The following SLC26A8 variants were observed in gnomAD, a reference collection of about 807,000 sequenced individuals.
SLC26A8 encodes the protein testis anion transporter 1.
A neutral mutation model predicts 105.0 loss-of-function variants in SLC26A8; 70 were observed. The observed-to-expected ratio is 0.67, with a 90% CI of 0.55 to 0.81. The LOEUF (loss-of-function observed/expected upper bound fraction) is 0.81. Ranked by LOEUF, SLC26A8 falls within the 40% of genes least tolerant of loss-of-function variation. The pLI is 0.00. For synonymous variants in SLC26A8, 415 were observed against 438.3 expected, an observed-to-expected ratio of 0.95 and a Z score of 0.66; for missense variants, 998 against 1,181.8, an observed-to-expected ratio of 0.84 and a Z score of 2.28.
Position 35,974,630 on chromosome 6 carries a change from C to T in SLC26A8, c.1287+745G>A, listed in dbSNP as rs949535282. ...GCCAGGAAAATTTTTGCTTTGCTGCCAAGGTGTGTAGAGTTGTATTATTGC... is the reference window on the plus strand; with the variant it reads ...GCCAGGAAAATTTTTGCTTTGCTGCTAAGGTGTGTAGAGTTGTATTATTGC... On this transcript the variant is annotated intron_variant, in intron 10 of 19. Transcript: ENST00000490799. Among the ~76,000 whole-genome samples, 8 of 152,176 alleles carry T rather than the reference C, an allele frequency of 5.3e-5. No homozygotes were observed. The East Asian group carries it at 1.5e-3, about 29-fold the overall frequency.
Position 35,968,695 on chromosome 6 carries a change from T to C in SLC26A8, c.1365+182A>G, listed in dbSNP as rs559497146. ...CCTCAACCCTGTGATCCAGATACTA[T>C]TATCTTGAATGAAAGGGACTAGAGA... On this transcript the variant is annotated intron_variant, in intron 11 of 19. Transcript: ENST00000490799. 6.4e-3 allele frequency among the ~76,000 whole-genome samples: 885 copies of C among 138,992 alleles called. 8 individuals carry two copies. Among genetic ancestry groups the C allele is most frequent in the Non-Finnish European group, 0.01 (678 of 64,646 alleles). 91.2% of individuals were successfully genotyped at this position (138,992 alleles called of 152,430 possible). A position where few individuals can be genotyped will look rare whatever the true frequency, so the allele number is the denominator to read the frequency against.
chr6:35,974,906 GT>G (rs77148160), intron 10 of SLC26A8, among the ~76,000 whole-genome samples: 11,334 of 141,072 alleles, frequency 0.08, 470 homozygotes, highest in Middle Eastern at 0.12. Context: ...CCAGCTAATT[GT>G]TTTTTTTTTT....
At chr6:36,022,070 C>T (rs1398352464) in intron 1 of SLC26A8, among the ~76,000 whole-genome samples, 4 of 152,116 alleles carry the variant, frequency 2.6e-5, no homozygotes, top group South Asian at 2.1e-4. Context: ...CAGGTTCAAG[C>T]GATTCTCCTG....
intron 10 of SLC26A8, among the ~76,000 whole-genome samples, chr6:35,974,429 T>G (rs1467064876): frequency 6.6e-6 from 1 of 152,250 alleles, no homozygotes; most frequent in Non-Finnish European, 1.5e-5. Context: ...ATTCTCTCTA[T>G]GTATGCTTAA....
Position 35,986,410 on chromosome 6 carries a change from C to T in SLC26A8, c.943-4207G>A, listed in dbSNP as rs151009960. Among the ~76,000 whole-genome samples the T allele has an allele frequency of 1.1e-3, 165 of 152,298 alleles. 1 individual carries two copies. Among genetic ancestry groups the T allele is most frequent in the Admixed American group, 1.6e-3 (25 of 15,292 alleles). ...CAAGAATATGATACATTGTTACTAA[C>T]TGTAGTTACTATATTGTACAAAAGA... is the stretch of plus-strand genomic sequence containing the variant. On this transcript the variant is annotated intron_variant, in intron 7 of 19. Transcript: ENST00000490799.
chr6:35,998,382 C>T (rs1761419301), intron 4 of SLC26A8, among the ~76,000 whole-genome samples: 1 of 151,786 alleles, frequency 6.6e-6, no homozygotes, highest in African/African-American at 2.4e-5. Context: ...ATGGAGAAAC[C>T]CCGTCTCTAC....
intron 3 of SLC26A8, among the ~76,000 whole-genome samples, chr6:36,009,486 C>T (rs527269366): frequency 6.6e-6 from 1 of 152,150 alleles, no homozygotes; most frequent in Non-Finnish European, 1.5e-5. Flanking sequence ...AACTGTGATA[C>T]ATCTATACCA....
In SLC26A8 at chr6:36,012,324, G is replaced by C; in HGVS notation, c.237C>G (p.Phe79Leu). The C allele has an allele frequency of 6.2e-7, 1 of 1,607,928 alleles. No individual in the cohort carries two copies. ...FLRCVLTIFP[F>L]LEWMCMYRLK... ...ATCGATACATACACATCCATTCTAGGAAGGGAAAGATTGTAAGCACGCATC... is the reference window on the plus strand; with the variant it reads ...ATCGATACATACACATCCATTCTAGCAAGGGAAAGATTGTAAGCACGCATC... Residue 79 changes from phenylalanine (F) to leucine (L), a missense_variant, in exon 3 of 20, where the codon TTC becomes TTG. Coordinates refer to ENST00000490799, the MANE Select transcript of SLC26A8 (RefSeq NM_052961.4).
rs1295132606 is a variant in SLC26A8, at chr6:36,024,520, G to GGCGGGAGTGCGGGC, written c.-33_-20dup. 2 of 435,708 alleles carry GGCGGGAGTGCGGGC rather than the reference G, an allele frequency of 4.6e-6. No individual in the cohort carries two copies. The highest frequency in any genetic ancestry group is 1.6e-4 in the East Asian group (2 of 12,824). The allele number at this position is 435,708 out of a possible 1,614,324, so 27.0% of individuals were successfully genotyped here. On this transcript the variant is annotated 5_prime_UTR_variant, in exon 1 of 20. Transcript: ENST00000490799. ...GCGGCTCACCTGGCTCCTTGGCGGG[G>GGCGGGAGTGCGGGC]GCGGGAGTGCGGGCGCTGGGATCCC...
rs560753905 is a variant in SLC26A8 at position 35,981,609 on chromosome 6, G to A, written c.1025+512C>T. On this transcript the variant is annotated intron_variant, in intron 8 of 19. Coordinates refer to ENST00000490799, the MANE Select transcript of SLC26A8 (RefSeq NM_052961.4). The surrounding 1 kb of genome is among the most constrained non-coding windows in gnomAD (Gnocchi z 4.0). ...CAAGGCTGCAGTGAGCCATGATTGCGCCACTGCACTCCAGCCTAGGCAACA... is the reference window on the plus strand; with the variant it reads ...CAAGGCTGCAGTGAGCCATGATTGCACCACTGCACTCCAGCCTAGGCAACA... Among the ~76,000 whole-genome samples, 3 of 152,106 alleles carry A rather than the reference G, an allele frequency of 2.0e-5. No individual in the cohort carries two copies. Among genetic ancestry groups the A allele is most frequent in the Admixed American group, 6.6e-5 (1 of 15,266 alleles).
At chr6:36,017,632 CAACAA>C (rs55699221) in intron 2 of SLC26A8, among the ~76,000 whole-genome samples, 104,345 of 150,742 alleles carry the variant, frequency 0.69, 36,508 homozygotes, top group Middle Eastern at 0.74. Context: ...AATTCCGTCT[CAACAA>C]AACAAAACAA....
intron 10 of SLC26A8, among the ~76,000 whole-genome samples, chr6:35,972,603 G>T (rs1373631137): frequency 1.3e-5 from 2 of 152,204 alleles, no homozygotes; most frequent in African/African-American, 4.8e-5. Flanking sequence ...GCATGTCAAG[G>T]CCTCAGGGAG....
intron 16 of SLC26A8, among the ~76,000 whole-genome samples, chr6:35,957,109 C>T (rs949111195): frequency 1.1e-4 from 16 of 152,004 alleles, no homozygotes; most frequent in Non-Finnish European, 2.4e-4. Context: ...GTAATCTCAG[C>T]TACTCGGGAG....
intron 3 of SLC26A8, among the ~76,000 whole-genome samples, chr6:36,003,064 G>C (rs1241551374): frequency 1.3e-5 from 2 of 152,134 alleles, no homozygotes; most frequent in Non-Finnish European, 2.9e-5. Context: ...ACTTACCTCA[G>C]ATTTATCGGT....
intron 19 of SLC26A8, among the ~76,000 whole-genome samples, chr6:35,948,339 A>G (rs191806785): frequency 1.8e-4 from 28 of 152,344 alleles, no homozygotes; most frequent in Non-Finnish European, 2.8e-4. Context: ...CTGTAATCCC[A>G]GCATTTTGGG....
rs1409152192 is a variant in SLC26A8, at chr6:35,943,845, T to A, written c.*55A>T. The A allele has an allele frequency of 7.6e-6, 12 of 1,579,238 alleles. No individual in the cohort carries two copies. The African/African-American group carries it at 1.3e-4, about 18-fold the overall frequency. ...CTAGGTCTCTGGACAATTGACCCCT[T>A]TTTGGGTAGGAGGATTTGCCAGCAT... On this transcript the variant is annotated 3_prime_UTR_variant, in exon 20 of 20. Transcript: ENST00000490799.
At chr6:35,968,651 A>C (rs374306437) in intron 11 of SLC26A8, among the ~76,000 whole-genome samples, 16 of 98,502 alleles carry the variant, frequency 1.6e-4, no homozygotes, top group Admixed American at 4.2e-4. Flanking sequence ...ATATATATAT[A>C]TATCTCACAT....
At chr6:35,973,551 A>ATT (rs534302531) in intron 10 of SLC26A8, among the ~76,000 whole-genome samples, 27 of 145,688 alleles carry the variant, frequency 1.9e-4, no homozygotes, top group African/African-American at 6.3e-4. Flanking sequence ...TATTTTAGCG[A>ATT]TTTTTTTTTT....
In SLC26A8 at chr6:35,978,439, C is replaced by T. The variant is rs116613027; in HGVS notation, c.1026-1088G>A. Among the ~76,000 whole-genome samples, 1,006 of 151,906 alleles carry T rather than the reference C, an allele frequency of 6.6e-3. 13 individuals are homozygous for T. The highest frequency in any genetic ancestry group is 0.023 in the African/African-American group (943 of 41,436). ...CACAAATATGCTTCCTTTTTTATTT[C>T]TCTAGATTACTTTCTAAGTCAGAAA... is the stretch of plus-strand genomic sequence containing the variant. On this transcript the variant is annotated intron_variant, in intron 8 of 19. Coordinates refer to ENST00000490799, the MANE Select transcript of SLC26A8 (RefSeq NM_052961.4).
Sources: gnomAD v4.1 joint callset for allele counts (sites outside exome capture counted in the v4.1 genomes callset) on GRCh38, gnomAD v4.1.1 for gene constraint, Gnocchi (gnomAD v3.1) non-coding constraint, MANE v1.5 for transcripts, NCBI Gene and HGNC (gene_info 2026-07-23, HGNC 2026-07-21) for gene names.